CADPS2: variants seen among roughly 807,000 people sequenced by gnomAD.
The protein encoded by CADPS2 is calcium-dependent secretion activator 2.
Under a neutral mutation model 172.5 loss-of-function variants are expected in CADPS2, and 93 were observed. That is an observed-to-expected ratio of 0.54 (90% CI 0.46 to 0.64). The LOEUF (loss-of-function observed/expected upper bound fraction) is 0.64, where lower values mean the gene tolerates loss of function less well. Ranked by LOEUF, CADPS2 falls within the 30% of genes least tolerant of loss-of-function variation. The pLI is 0.00. For synonymous variants in CADPS2, 546 were observed against 555.2 expected (o/e 0.98, Z 0.23); for missense variants, 1,420 against 1,565.9 (o/e 0.91, Z 1.57).
At chr7:122,680,070 C>A (rs1319202220) in intron 2 of CADPS2, among the ~76,000 whole-genome samples, 1 of 152,190 alleles carries the variant, frequency 6.6e-6, no homozygotes, top group Non-Finnish European at 1.5e-5. Context: ...TGTTAGATTT[C>A]TCTGTCATAA....
intron 28 of CADPS2, among the ~76,000 whole-genome samples, chr7:122,334,460 A>G (rs2035527115): frequency 6.6e-6 from 1 of 152,224 alleles, no homozygotes; most frequent in Non-Finnish European, 1.5e-5. Context: ...TTTTTAAAGA[A>G]AGGCAGAAAA....
chr7:122,480,296 A>AT (rs1473400927), intron 12 of CADPS2, among the ~76,000 whole-genome samples: 40 of 128,584 alleles, frequency 3.1e-4, no homozygotes, highest in African/African-American at 1.1e-3. Context: ...TAGATTTTAT[A>AT]ATTTTTTTTT....
At chr7:122,702,232 C>A in intron 2 of CADPS2, 3 of 1,613,814 alleles carry the variant, frequency 1.9e-6, no homozygotes, top group Non-Finnish European at 2.5e-6. Flanking sequence ...TGATGACTGT[C>A]ACATAGACTC....
At chr7:122,800,395 TA>T (rs1189615124) in intron 1 of CADPS2, among the ~76,000 whole-genome samples, 1 of 152,114 alleles carries the variant, frequency 6.6e-6, no homozygotes, top group Non-Finnish European at 1.5e-5. Flanking sequence ...GCTTTTAAAA[TA>T]AAAACACTGT....
chr7:122,779,078 T>G (rs898786746), intron 1 of CADPS2, among the ~76,000 whole-genome samples: 1 of 152,202 alleles, frequency 6.6e-6, no homozygotes, highest in African/African-American at 2.4e-5. Flanking sequence ...CCACGTAAGA[T>G]GTACCTTCGC....
chr7:122,484,911 T>G (rs973073294), intron 11 of CADPS2, among the ~76,000 whole-genome samples: 2 of 152,148 alleles, frequency 1.3e-5, no homozygotes, highest in Non-Finnish European at 2.9e-5. Flanking sequence ...CGTGCTCATA[T>G]CATGACTGTT....
intron 3 of CADPS2, among the ~76,000 whole-genome samples, chr7:122,637,186 T>C (rs2077159014): frequency 2.6e-5 from 1 of 38,010 alleles, no homozygotes; most frequent in African/African-American, 1.0e-4. Flanking sequence ...TTTTTTTTTT[T>C]TTTTTTTTTT....
At chr7:122,324,733 G>A (rs2033453853) in intron 29 of CADPS2, among the ~76,000 whole-genome samples, 1 of 152,048 alleles carries the variant, frequency 6.6e-6, no homozygotes, top group Non-Finnish European at 1.5e-5. Context: ...TTAGAGTTAT[G>A]TTTTCTGCCA....
In CADPS2 at chr7:122,480,873, A is replaced by C; in HGVS notation, c.1853-13T>G. 6.6e-7 allele frequency: 1 copy of C among 1,518,560 alleles called. No individual in the cohort carries two copies. Among genetic ancestry groups the C allele is most frequent in the Non-Finnish European group, 8.8e-7 (1 of 1,136,358 alleles). The allele number at this position is 1,518,560 out of a possible 1,614,324, so 94.1% of individuals were successfully genotyped here. A position where few individuals can be genotyped will look rare whatever the true frequency, so the allele number is the denominator to read the frequency against. The stretch of plus-strand genomic sequence containing the variant: ...TTACCTTTACCAGCTACAGGTCAGC[A>C]AAGAAATGAGAAACAAAGCATATTT... On this transcript the variant is annotated splice_polypyrimidine_tract_variant and intron_variant, in intron 11 of 29. Coordinates refer to ENST00000449022, the MANE Select transcript of CADPS2 (RefSeq NM_017954.11).
intron 1 of CADPS2, among the ~76,000 whole-genome samples, chr7:122,755,418 ACTTTTT>A: frequency 6.6e-6 from 1 of 152,258 alleles, no homozygotes; most frequent in South Asian, 2.1e-4. Context: ...CTACAAAATC[ACTTTTT>A]CTTTATCAGC....
chr7:122,810,351 T>A (rs1348077459), intron 1 of CADPS2, among the ~76,000 whole-genome samples: 1 of 152,210 alleles, frequency 6.6e-6, no homozygotes, highest in Non-Finnish European at 1.5e-5. Flanking sequence ...GAATTTGTCA[T>A]GGTCTCAGAC....
chr7:122,658,295 C>T (rs2080066929), intron 3 of CADPS2, among the ~76,000 whole-genome samples: 1 of 152,184 alleles, frequency 6.6e-6, no homozygotes, highest in South Asian at 2.1e-4. Flanking sequence ...GTTGGTGGGA[C>T]TGTAAACTAG....
chr7:122,368,377 C>G (rs2041262931), intron 25 of CADPS2, among the ~76,000 whole-genome samples: 1 of 152,160 alleles, frequency 6.6e-6, no homozygotes, highest in East Asian at 1.9e-4. Flanking sequence ...CTCTTTCCCT[C>G]CCTGGTCTTG....
At chr7:122,411,514 C>T (rs2047315447) in intron 19 of CADPS2, among the ~76,000 whole-genome samples, 1 of 152,144 alleles carries the variant, frequency 6.6e-6, no homozygotes, top group African/African-American at 2.4e-5. Context: ...GCCACCGCAC[C>T]TGGCCTTATT....
chr7:122,442,953 G>C (rs1387589034), intron 15 of CADPS2, among the ~76,000 whole-genome samples: 4 of 152,126 alleles, frequency 2.6e-5, no homozygotes. Context: ...AAGAGCATTA[G>C]CAAATTAGCA....
At chr7:122,534,667 T>C (rs2062070889) in intron 8 of CADPS2, among the ~76,000 whole-genome samples, 3 of 152,056 alleles carry the variant, frequency 2.0e-5, no homozygotes, top group Admixed American at 1.3e-4. Context: ...GAAGAGATAA[T>C]TGATTTGATG....
chr7:122,581,100 C>A, intron 7 of CADPS2, 79 bp downstream of exon 7: 1 of 950,162 alleles, frequency 1.1e-6, no homozygotes, highest in South Asian at 1.4e-5. Context: ...TCACATATGG[C>A]ATACTGATCT....
intron 2 of CADPS2, among the ~76,000 whole-genome samples, chr7:122,712,013 T>C (rs946201847): frequency 2.6e-5 from 4 of 152,102 alleles, no homozygotes; most frequent in Non-Finnish European, 5.9e-5. Context: ...AGCATACATG[T>C]ACATTTTTAA....
chr7:122,580,934 T>A (rs553882261), intron 7 of CADPS2, among the ~76,000 whole-genome samples: 1 of 152,144 alleles, frequency 6.6e-6, no homozygotes, highest in Non-Finnish European at 1.5e-5. Flanking sequence ...TGAGAATGAC[T>A]GAGTTGGTGA....
Sources: allele counts gnomAD v4.1 joint callset (sites outside exome capture counted in the v4.1 genomes callset), GRCh38; gene constraint gnomAD v4.1.1; transcripts MANE v1.5; gene names NCBI Gene and HGNC (gene_info 2026-07-23, HGNC 2026-07-21).